GRIK2: variants seen among roughly 807,000 people sequenced by gnomAD.
The protein encoded by GRIK2 is glutamate receptor ionotropic, kainate 2.
A neutral mutation model predicts 100.3 loss-of-function variants in GRIK2; 32 were observed. The ratio of observed to expected loss-of-function variants is 0.32; its 90% CI spans 0.24 to 0.43. The LOEUF (loss-of-function observed/expected upper bound fraction) is 0.43. Among genes scored for constraint, GRIK2 ranks in the 20% least tolerant of loss-of-function variants. GRIK2 has a pLI of 1.00. For missense variants in GRIK2, 843 were observed against 1,114.9 expected, an observed-to-expected ratio of 0.76 and a Z score of 3.47; for synonymous variants, 417 against 389.4, an observed-to-expected ratio of 1.07 and a Z score of -0.83.
chr6:101,426,612 A>G (rs1483923336), intron 2 of GRIK2, among the ~76,000 whole-genome samples: 2 of 152,206 alleles, frequency 1.3e-5, no homozygotes, highest in African/African-American at 4.8e-5. Flanking sequence ...AAATAAAAGT[A>G]TCAAATATTA....
intron 12 of GRIK2, among the ~76,000 whole-genome samples, chr6:101,920,227 C>T (rs868563316): frequency 6.6e-6 from 1 of 151,806 alleles, no homozygotes; most frequent in Non-Finnish European, 1.5e-5. Context: ...ATGAAGACAG[C>T]CCAAAATAAA....
intron 2 of GRIK2, among the ~76,000 whole-genome samples, chr6:101,568,966 C>T (rs1333590318): frequency 3.3e-5 from 5 of 151,888 alleles, no homozygotes; most frequent in Non-Finnish European, 7.4e-5. Context: ...TTTCAACAGA[C>T]CATTACAGAG....
At chr6:102,006,832 A>ATTGT (rs1562106011) in intron 14 of GRIK2, among the ~76,000 whole-genome samples, 2 of 152,056 alleles carry the variant, frequency 1.3e-5, no homozygotes, top group African/African-American at 4.8e-5. Context: ...ATCATATCTT[A>ATTGT]TTGTTTGATA....
chr6:101,814,413 G>A (rs1781510032), intron 9 of GRIK2, among the ~76,000 whole-genome samples: 1 of 151,946 alleles, frequency 6.6e-6, no homozygotes, highest in South Asian at 2.1e-4. Context: ...AATATATATT[G>A]AGAGTTTACG....
intron 6 of GRIK2, among the ~76,000 whole-genome samples, chr6:101,683,731 T>C (rs1176987982): frequency 6.6e-6 from 1 of 152,234 alleles, no homozygotes; most frequent in African/African-American, 2.4e-5. Context: ...TACTGTATAC[T>C]GTAAAACACT....
chr6:101,650,517 T>C (rs1046855319), intron 4 of GRIK2, among the ~76,000 whole-genome samples: 2 of 152,130 alleles, frequency 1.3e-5, no homozygotes, highest in African/African-American at 4.8e-5. Context: ...AAACAGCTGA[T>C]GCAGGGAGTG....
chr6:101,433,538 G>A (rs576431116), intron 2 of GRIK2, among the ~76,000 whole-genome samples: 1 of 152,154 alleles, frequency 6.6e-6, no homozygotes, highest in East Asian at 1.9e-4. Context: ...ATTTATTATT[G>A]CTTATGTTTT....
At chr6:101,840,954 A>T (rs1016115584) in intron 10 of GRIK2, among the ~76,000 whole-genome samples, 1 of 152,224 alleles carries the variant, frequency 6.6e-6, no homozygotes, top group South Asian at 2.1e-4. Context: ...AGAATACCTT[A>T]TGCTACATTC....
chr6:101,732,720 A>G (rs1172835432), intron 7 of GRIK2, among the ~76,000 whole-genome samples: 2 of 152,140 alleles, frequency 1.3e-5, no homozygotes, highest in Non-Finnish European at 2.9e-5. Context: ...TAAAAAGCCA[A>G]GTAAATCTGA....
chr6:101,402,085 G>A (rs1381515710), intron 2 of GRIK2, among the ~76,000 whole-genome samples: 1 of 152,152 alleles, frequency 6.6e-6, no homozygotes, highest in Non-Finnish European at 1.5e-5. Context: ...ATTCGACCCA[G>A]CGTCCTCCTG....
chr6:102,064,283 TTCTCCTTCTCCTCCTTCTCC>T (rs1771895003), intron 16 of GRIK2, among the ~76,000 whole-genome samples: 1 of 149,900 alleles, frequency 6.7e-6, no homozygotes. Flanking sequence ...TCTCCTTCTC[TTCTCCTTCTCCTCCTTCTCC>T]TCTCCTTCTC....
chr6:102,041,811 G>GTGTT (rs1044854012), intron 15 of GRIK2, among the ~76,000 whole-genome samples: 1 of 150,402 alleles, frequency 6.6e-6, no homozygotes, highest in Non-Finnish European at 1.5e-5. Flanking sequence ...AAAAAAAAAA[G>GTGTT]TGTTTTGAAG....
At chr6:101,969,398 G>A (rs745322884) in intron 14 of GRIK2, among the ~76,000 whole-genome samples, 14 of 151,754 alleles carry the variant, frequency 9.2e-5, no homozygotes, top group South Asian at 4.2e-4. Context: ...TTTAATTTAT[G>A]TTATTTCTCA....
intron 7 of GRIK2, among the ~76,000 whole-genome samples, chr6:101,763,492 T>C (rs2128393297): frequency 6.6e-6 from 1 of 152,324 alleles, no homozygotes; most frequent in South Asian, 2.1e-4. Flanking sequence ...TTTCTTACTA[T>C]GTGGAAGTTA....
chr6:101,677,044 T>C (rs1050514237), intron 5 of GRIK2, among the ~76,000 whole-genome samples: 1 of 152,138 alleles, frequency 6.6e-6, no homozygotes. Context: ...ATGACTGCAA[T>C]GCTGTTGGTT....
At chr6:101,464,539 A>T (rs1771528887) in intron 2 of GRIK2, among the ~76,000 whole-genome samples, 1 of 77,128 alleles carries the variant, frequency 1.3e-5, no homozygotes, top group Non-Finnish European at 2.3e-5. Flanking sequence ...TTTTTTTGAG[A>T]CAGAGTCTCA....
Position 101,845,673 on chromosome 6 carries a change from A to G in GRIK2, c.1318-13614A>G, listed in dbSNP as rs377479428. ...CAATTTTTAATCTTTTTGGGTATAT[A>G]CCTAAGAATAGCATTGCTGAGTTTT... On this transcript the variant is annotated intron_variant, in intron 10 of 16. Coordinates refer to ENST00000369134, the MANE Select transcript of GRIK2 (RefSeq NM_021956.5). Among the ~76,000 whole-genome samples the G allele has an allele frequency of 2.0e-5, 3 of 152,104 alleles. No homozygotes were observed. In the East Asian group the frequency reaches 5.8e-4, roughly 29 times the overall value.
chr6:101,657,675 A>T (rs1769292780), intron 4 of GRIK2, among the ~76,000 whole-genome samples: 1 of 152,104 alleles, frequency 6.6e-6, no homozygotes, highest in Non-Finnish European at 1.5e-5. Context: ...TATGATCTTG[A>T]TTATTATGAG....
intron 4 of GRIK2, among the ~76,000 whole-genome samples, chr6:101,651,051 A>G (rs1427693042): frequency 6.8e-6 from 1 of 146,884 alleles, no homozygotes; most frequent in East Asian, 2.0e-4. Context: ...TTTTAAATTC[A>G]GAAATGAAAT....
Sources: gnomAD v4.1 joint callset for allele counts (sites outside exome capture counted in the v4.1 genomes callset) on GRCh38, gnomAD v4.1.1 for gene constraint, MANE v1.5 for transcripts, NCBI Gene and HGNC (gene_info 2026-07-23, HGNC 2026-07-21) for gene names.